The following PAWR variants were observed in gnomAD, a reference collection of about 807,000 sequenced individuals.
PAWR encodes the protein pro-apoptotic WT1 regulator.
PAWR carries 23 observed loss-of-function variants against 32.0 expected under a neutral mutation model. The observed-to-expected ratio is 0.72, with a 90% CI of 0.52 to 1.02. PAWR has a LOEUF of 1.02. Among genes scored for constraint, PAWR ranks in the 50% least tolerant of loss-of-function variants. PAWR has a pLI of 0.00. For missense variants in PAWR, 457 were observed against 437.7 expected, an observed-to-expected ratio of 1.04 and a Z score of -0.39; for synonymous variants, 226 against 187.1, an observed-to-expected ratio of 1.21 and a Z score of -1.70.
chr12:79,615,864 C>A (rs556217216), intron 3 of PAWR, among the ~76,000 whole-genome samples: 16 of 151,986 alleles, frequency 1.1e-4, no homozygotes, highest in African/African-American at 3.9e-4. Flanking sequence ...CAAAACCAGC[C>A]TAGGCAACAT....
At chr12:79,607,795 C>T (rs918161280) in intron 4 of PAWR, among the ~76,000 whole-genome samples, 1 of 150,854 alleles carries the variant, frequency 6.6e-6, no homozygotes, top group Non-Finnish European at 1.5e-5. Flanking sequence ...TGACCCTTGA[C>T]CAACAAACCA....
chr12:79,626,318 G>A (rs2136730084), intron 2 of PAWR, among the ~76,000 whole-genome samples: 1 of 148,582 alleles, frequency 6.7e-6, no homozygotes, highest in Admixed American at 6.7e-5. Context: ...GGAGTGCAGT[G>A]GCGTGATCTC....
intron 2 of PAWR, among the ~76,000 whole-genome samples, chr12:79,654,542 T>C (rs887465349): frequency 2.0e-5 from 3 of 152,172 alleles, no homozygotes; most frequent in African/African-American, 2.4e-5. Flanking sequence ...AGCCTAGTTC[T>C]CGTAGAGACT....
chr12:79,624,219 C>T (rs1875169348), intron 2 of PAWR, among the ~76,000 whole-genome samples: 1 of 152,100 alleles, frequency 6.6e-6, no homozygotes, highest in Admixed American at 6.6e-5. Context: ...CACTGGGATG[C>T]TATTTTATTT....
chr12:79,689,736 G>T lies in PAWR; in HGVS notation c.509C>A (p.Ala170Asp), dbSNP rs750432719. Residue 170 changes from alanine to aspartate, a missense_variant, in exon 2 of 7, where the codon GCC (alanine) becomes GAC (aspartate). Physicochemically the swap from Ala to Asp is moderately radical, Grantham distance 126 (BLOSUM62 -2). Coordinates refer to ENST00000328827, the MANE Select transcript of PAWR (RefSeq NM_002583.4). ...GGCCCCCGCCCGGCTCACCTCTGCG[G>T]CAGGGATGTTGACCACGCCGGTGGA... ...RRSTGVVNIP[A>D]AECLDEYEDD... The T allele has an allele frequency of 3.5e-5, 55 of 1,559,418 alleles. No homozygotes were observed. The highest frequency in any genetic ancestry group is 4.5e-5 in the Non-Finnish European group (52 of 1,155,918).
chr12:79,674,674 G>C (rs1878074088), intron 2 of PAWR, among the ~76,000 whole-genome samples: 1 of 151,874 alleles, frequency 6.6e-6, no homozygotes, highest in Non-Finnish European at 1.5e-5. Context: ...AAAGTCTAAT[G>C]TCCAGAATCT....
At chr12:79,622,232 C>T (rs1046315333) in intron 2 of PAWR, among the ~76,000 whole-genome samples, 18 of 151,948 alleles carry the variant, frequency 1.2e-4, no homozygotes, top group African/African-American at 4.4e-4. Context: ...GAAAGGGGTA[C>T]CAAGCTTGAT....
intron 2 of PAWR, among the ~76,000 whole-genome samples, chr12:79,683,687 TAA>T (rs1267427301): frequency 6.6e-6 from 1 of 151,926 alleles, no homozygotes; most frequent in Non-Finnish European, 1.5e-5. Flanking sequence ...GAAAGATATG[TAA>T]AAGTTTTATT....
chr12:79,690,304 G>A lies in PAWR; in HGVS notation c.-60C>T, dbSNP rs1354223582. On this transcript the variant is annotated 5_prime_UTR_variant, in exon 2 of 7. Coordinates refer to ENST00000328827, the MANE Select transcript of PAWR (RefSeq NM_002583.4). ...GCCGCCCACCAGGGCTCCGGCCGCT[G>A]CCTCCTCTTCCTTCCTGCGGCCCCG... 1.4e-6 allele frequency: 2 copies of A among 1,389,350 alleles called. No individual in the cohort carries two copies. The highest frequency in any genetic ancestry group is 1.6e-5 in the South Asian group (1 of 63,948). 86.1% of individuals were successfully genotyped at this position (1,389,350 alleles called of 1,614,324 possible).
Position 79,689,983 on chromosome 12 carries a change from C to G in PAWR, c.262G>C (p.Gly88Arg). 7.6e-7 allele frequency: 1 copy of G among 1,322,716 alleles called. No individual in the cohort carries two copies. The highest frequency in any genetic ancestry group is 1.5e-5 in the African/African-American group (1 of 64,606). The allele number at this position is 1,322,716 out of a possible 1,614,324, so 81.9% of individuals were successfully genotyped here. ...GCGGAGCCGACCGCGCAGTTCACGCCCCCGGGACCGGGGACGGCAGGTGCG... is the reference window on the plus strand; with the variant it reads ...GCGGAGCCGACCGCGCAGTTCACGCGCCCGGGACCGGGGACGGCAGGTGCG... ...PAAPAVPGPG[G>R]VNCAVGSAML... Residue 88 changes from glycine (G) to arginine (R), a missense_variant, in exon 2 of 7, where the codon GGC (glycine) becomes CGC (arginine). Transcript: ENST00000328827.
chr12:79,647,512 T>C (rs1471187779), intron 2 of PAWR, among the ~76,000 whole-genome samples: 1 of 152,130 alleles, frequency 6.6e-6, no homozygotes. Flanking sequence ...AAGTTTAAAG[T>C]TCTAAAAACA....
intron 2 of PAWR, among the ~76,000 whole-genome samples, chr12:79,629,330 G>A (rs7294911): frequency 0.2 from 29,842 of 152,002 alleles, 7,762 homozygotes; most frequent in African/African-American, 0.59. Flanking sequence ...CATATCTAAT[G>A]TAAGCTGAAA....
intron 6 of PAWR, among the ~76,000 whole-genome samples, chr12:79,593,609 G>A (rs988353303): frequency 1.3e-5 from 2 of 150,846 alleles, no homozygotes; most frequent in African/African-American, 2.4e-5. Context: ...GCAGTGAGCT[G>A]AGATCGCGCC....
chr12:79,654,945 T>C, intron 2 of PAWR, among the ~76,000 whole-genome samples: 1 of 152,164 alleles, frequency 6.6e-6, no homozygotes, highest in East Asian at 1.9e-4. Flanking sequence ...GTACTGGGGA[T>C]TGCCAGCAGT....
At chr12:79,593,789 G>A (rs186886801) in intron 6 of PAWR, among the ~76,000 whole-genome samples, 114 of 139,880 alleles carry the variant, frequency 8.1e-4, no homozygotes, top group Non-Finnish European at 8.2e-4. Flanking sequence ...TGCAACCTCC[G>A]CCTCCTGGGA....
chr12:79,620,708 G>A (rs544180914), intron 3 of PAWR, among the ~76,000 whole-genome samples: 24 of 152,262 alleles, frequency 1.6e-4, no homozygotes, highest in Admixed American at 3.3e-4. Flanking sequence ...GTGCCAGAGC[G>A]CAGGCAGGAT....
chr12:79,681,692 T>G (rs562259015), intron 2 of PAWR, among the ~76,000 whole-genome samples: 1 of 152,276 alleles, frequency 6.6e-6, no homozygotes, highest in East Asian at 1.9e-4. Flanking sequence ...GTGAACACAC[T>G]GCCTTTTTTT....
At chr12:79,614,086 C>A (rs1190306298) in intron 3 of PAWR, among the ~76,000 whole-genome samples, 1 of 139,960 alleles carries the variant, frequency 7.1e-6, no homozygotes, top group African/African-American at 2.6e-5. Context: ...TCTGGGCTCA[C>A]CGCAACCTCT....
chr12:79,616,908 A>T (rs563232587), intron 3 of PAWR, among the ~76,000 whole-genome samples: 100 of 152,364 alleles, frequency 6.6e-4, no homozygotes, highest in African/African-American at 2.1e-3. Flanking sequence ...AATAATCAGA[A>T]TTTAAGCTAT....
Sources: allele counts gnomAD v4.1 joint callset (sites outside exome capture counted in the v4.1 genomes callset), GRCh38; gene constraint gnomAD v4.1.1; transcripts MANE v1.5; gene names NCBI Gene and HGNC (gene_info 2026-07-23, HGNC 2026-07-21).